Variants in DPP6 observed in about 807,000 individuals in gnomAD.
The protein encoded by DPP6 is dipeptidyl peptidase like 6, also known as A-type potassium channel modulatory protein DPP6.
DPP6 carries 69 observed loss-of-function variants against 122.6 expected under a neutral mutation model. The ratio of observed to expected loss-of-function variants is 0.56; its 90% CI spans 0.46 to 0.69. DPP6 has a LOEUF of 0.69. Among genes scored for constraint, DPP6 ranks in the 30% least tolerant of loss-of-function variants. The pLI, the probability that DPP6 is intolerant of heterozygous loss-of-function variation, is 0.00. For synonymous variants in DPP6, 418 were observed against 433.1 expected, an observed-to-expected ratio of 0.97 and a Z score of 0.43; for missense variants, 928 against 1,116.9, an observed-to-expected ratio of 0.83 and a Z score of 2.41.
At chr7:154,887,625 T>G (rs1447571380) in intron 22 of DPP6, 51 bp from the exon 23 acceptor site, 3 of 1,602,938 alleles carry the variant, frequency 1.9e-6, no homozygotes, top group Non-Finnish European at 2.6e-6. Flanking sequence ...GGGGCTGCGC[T>G]CACAGGGCCT....
At chr7:154,245,137 G>A (rs13232040) in intron 1 of DPP6, among the ~76,000 whole-genome samples, 1 of 151,284 alleles carries the variant, frequency 6.6e-6, no homozygotes, top group South Asian at 2.1e-4. Context: ...TTTTTTGGTA[G>A]AGATGGGGTT....
chr7:153,830,199 A>G, the DPP6 span, among the ~76,000 whole-genome samples: 39 of 152,232 alleles, frequency 2.6e-4, no homozygotes, highest in Non-Finnish European at 5.1e-4. Context: ...ATGGCAGTGG[A>G]TTGATGGCAG....
rs549845651 is a variant in DPP6 at position 154,886,143 on chromosome 7, C to T, written c.2245+399C>T. 2.6e-5 allele frequency among the ~76,000 whole-genome samples: 4 copies of T among 152,332 alleles called. No individual in the cohort carries two copies. The East Asian group carries it at 7.7e-4, about 29-fold the overall frequency. On this transcript the variant is annotated intron_variant, in intron 22 of 25. Coordinates refer to ENST00000377770, the MANE Select transcript of DPP6 (RefSeq NM_130797.4). ...CAGGGCCCTGCCCTGAGTTCTATGC[C>T]TGGGCATGGGTATTTGGTGCACAGG... is the stretch of plus-strand genomic sequence containing the variant.
intron 8 of DPP6, among the ~76,000 whole-genome samples, chr7:154,736,963 C>T (rs1029271962): frequency 6.6e-6 from 1 of 152,120 alleles, no homozygotes; most frequent in African/African-American, 2.4e-5. Flanking sequence ...AATTGTTAAC[C>T]TCGTTTTAAT....
intron 1 of DPP6, among the ~76,000 whole-genome samples, chr7:154,082,482 G>C (rs1231499019): frequency 1.3e-5 from 2 of 151,990 alleles, no homozygotes; most frequent in Admixed American, 1.3e-4. Context: ...TTGCAGTGAG[G>C]AGTAGCAAGA....
At chr7:154,109,882 C>T (rs973677858) in intron 1 of DPP6, among the ~76,000 whole-genome samples, 36 of 141,364 alleles carry the variant, frequency 2.5e-4, no homozygotes, top group South Asian at 2.0e-3. Flanking sequence ...GTGGGTGGGG[C>T]GGGGGCTTCA....
intron 1 of DPP6, among the ~76,000 whole-genome samples, chr7:154,262,694 C>T (rs75597191): frequency 0.062 from 9,267 of 150,586 alleles, 414 homozygotes; most frequent in Middle Eastern, 0.14. Flanking sequence ...CTAGGTTAAG[C>T]TTACATAAGA....
intron 1 of DPP6, among the ~76,000 whole-genome samples, chr7:153,960,695 G>GTGTGTGTGAA (rs1795309248): frequency 7.1e-6 from 1 of 141,000 alleles, no homozygotes; most frequent in Non-Finnish European, 1.5e-5. Context: ...GCGTGTGCAT[G>GTGTGTGTGAA]TGTGTGTGAA....
intron 16 of DPP6, among the ~76,000 whole-genome samples, chr7:154,835,851 A>G (rs1457027861): frequency 6.6e-6 from 1 of 152,260 alleles, no homozygotes; most frequent in Non-Finnish European, 1.5e-5. Flanking sequence ...TCAGTGGTTC[A>G]TCTTACAGCT....
the DPP6 span, among the ~76,000 whole-genome samples, chr7:153,752,614 G>T: frequency 6.8e-6 from 1 of 147,914 alleles, no homozygotes. Flanking sequence ...GTCCCAGAGG[G>T]TATGAGTAGG....
the DPP6 span, among the ~76,000 whole-genome samples, chr7:153,842,973 C>T: frequency 2.2e-4 from 33 of 152,278 alleles, no homozygotes; most frequent in African/African-American, 6.7e-4. Context: ...CACCCACCTG[C>T]GCATGTGTGC....
intron 1 of DPP6, among the ~76,000 whole-genome samples, chr7:154,319,300 G>C (rs1237365531): frequency 6.6e-6 from 1 of 152,168 alleles, no homozygotes; most frequent in Non-Finnish European, 1.5e-5. Context: ...TATTTTTAAA[G>C]ACAAGGTTAA....
intron 5 of DPP6, among the ~76,000 whole-genome samples, chr7:154,614,461 G>C (rs1387044287): frequency 6.6e-6 from 1 of 152,170 alleles, no homozygotes; most frequent in Non-Finnish European, 1.5e-5. Context: ...CAAATGGAAA[G>C]GTCTCAATCT....
intron 3 of DPP6, among the ~76,000 whole-genome samples, chr7:154,491,193 A>G (rs1371238457): frequency 6.6e-6 from 1 of 152,224 alleles, no homozygotes; most frequent in Non-Finnish European, 1.5e-5. Flanking sequence ...GTTCCTCAAT[A>G]AAACCCAAAT....
intron 1 of DPP6, chr7:154,305,650 A>G (rs2150987458): frequency 1.4e-6 from 2 of 1,480,262 alleles, no homozygotes; most frequent in Non-Finnish European, 1.8e-6. Flanking sequence ...GAGGGAGGAT[A>G]TGTATTTGGG....
At chr7:153,858,836 C>G in the DPP6 span, among the ~76,000 whole-genome samples, 1 of 152,114 alleles carries the variant, frequency 6.6e-6, no homozygotes, top group Non-Finnish European at 1.5e-5. Context: ...GTAATGGAGG[C>G]AGTATATAAT....
At chr7:154,765,667 A>T (rs2131532831) in intron 8 of DPP6, among the ~76,000 whole-genome samples, 1 of 152,316 alleles carries the variant, frequency 6.6e-6, no homozygotes, top group Middle Eastern at 3.4e-3. Flanking sequence ...AACTTTTGCC[A>T]TCTTCAAGAG....
At chr7:154,759,916 G>A (rs1472419903) in intron 8 of DPP6, among the ~76,000 whole-genome samples, 1 of 152,214 alleles carries the variant, frequency 6.6e-6, no homozygotes, top group Non-Finnish European at 1.5e-5. Context: ...GAGGTCAGGA[G>A]TTCAAGACCA....
chr7:154,668,028 T>A (rs1464673471), intron 6 of DPP6, among the ~76,000 whole-genome samples: 1 of 150,466 alleles, frequency 6.6e-6, no homozygotes, highest in Non-Finnish European at 1.5e-5. Flanking sequence ...CTTTTGTATT[T>A]TCTATTGATT....
Sources: allele counts gnomAD v4.1 joint callset (sites outside exome capture counted in the v4.1 genomes callset), GRCh38; gene constraint gnomAD v4.1.1; transcripts MANE v1.5; gene names NCBI Gene and HGNC (gene_info 2026-07-23, HGNC 2026-07-21).